PPP1R8: variants seen among roughly 807,000 people sequenced by gnomAD.
The protein encoded by PPP1R8 is nuclear inhibitor of protein phosphatase 1.
PPP1R8 carries 4 observed loss-of-function variants against 31.3 expected under a neutral mutation model. The observed-to-expected ratio is 0.13, with a 90% CI of 0.06 to 0.29. The LOEUF (loss-of-function observed/expected upper bound fraction) is 0.29. PPP1R8 is among the 10% of genes least tolerant of loss of function. The pLI is 1.00. For synonymous variants in PPP1R8, 170 were observed against 169.7 expected, an observed-to-expected ratio of 1.00 and a Z score of -0.01; for missense variants, 254 against 440.1, an observed-to-expected ratio of 0.58 and a Z score of 3.78.
chr1:27,847,121 C>G (rs768254694), intron 6 of PPP1R8, 29 bp downstream of exon 6: 1 of 1,606,500 alleles, frequency 6.2e-7, no homozygotes, highest in South Asian at 1.1e-5. Flanking sequence ...GCCATACAGT[C>G]TGTGTTTTAA....
chr1:27,845,398 A>AAAAG, intron 5 of PPP1R8, among the ~76,000 whole-genome samples: 1 of 151,292 alleles, frequency 6.6e-6, no homozygotes, highest in Non-Finnish European at 1.5e-5. Context: ...TCAAAAAAAA[A>AAAAG]AAAGAAAGAA....
intron 2 of PPP1R8, chr1:27,834,659 G>C (rs1386710735): frequency 2.4e-6 from 1 of 423,746 alleles, no homozygotes; most frequent in Non-Finnish European, 4.7e-6. Flanking sequence ...GACAGAAGCA[G>C]CACATTGTTC....
In PPP1R8 at chr1:27,850,337, C is replaced by T. The variant is rs751382552; in HGVS notation, c.947C>T (p.Ala316Val). ...VVPSAVNMNP[A>V]PNPAVYNPEA... ...CCGTCAGCAGTGAACATGAACCCTG[C>T]ACCAAACCCTGCAGTCTATAACCCT... is the stretch of plus-strand genomic sequence containing the variant. The change falls in exon 7 of 7, where the codon GCA (alanine) becomes GTA (valine). Residue 316 changes from alanine (A) to valine (V), a missense_variant. Transcript: ENST00000311772. 6.2e-7 allele frequency: 1 copy of T among 1,614,232 alleles called. No individual in the cohort carries two copies. Among genetic ancestry groups the T allele is most frequent in the Admixed American group, 1.7e-5 (1 of 60,024 alleles).
chr1:27,830,990 CTCAGAAACCCCGGAA>C, intron 1 of PPP1R8, 99 bp downstream of exon 1: 1 of 1,444,056 alleles, frequency 6.9e-7, no homozygotes, highest in Non-Finnish European at 9.1e-7. Flanking sequence ...AGCCGAACGG[CTCAGAAACCCCGGAA>C]TGGTTGAGGA....
At chr1:27,841,902 C>A (rs2089225763) in intron 4 of PPP1R8, among the ~76,000 whole-genome samples, 1 of 152,158 alleles carries the variant, frequency 6.6e-6, no homozygotes, top group Non-Finnish European at 1.5e-5. Context: ...TGGCTATAGT[C>A]CTTTACATAG....
At chr1:27,839,937 A>G (rs887733662) in intron 3 of PPP1R8, among the ~76,000 whole-genome samples, 8 of 151,984 alleles carry the variant, frequency 5.3e-5, no homozygotes, top group African/African-American at 1.9e-4. Flanking sequence ...GGAGTGCGCT[A>G]TGGTCTCAGC....
chr1:27,846,727 C>T (rs917962432), intron 5 of PPP1R8, among the ~76,000 whole-genome samples: 1 of 152,174 alleles, frequency 6.6e-6, no homozygotes, highest in Non-Finnish European at 1.5e-5. Context: ...GATCACAGGC[C>T]TGTTTTGAAC....
Position 27,832,770 on chromosome 1 carries a change from C to T in PPP1R8, c.71C>T (p.Pro24Leu), listed in dbSNP as rs368835847. The change falls in exon 2 of 7, where the codon CCT becomes CTT. Residue 24 changes from proline to leucine, a missense_variant. By Grantham distance (98) the Pro-to-Leu change is moderately conservative (BLOSUM62 -3). Around this residue, in one of 6 missense-constraint regions of PPP1R8, gnomAD observed 52 missense variants for 145.3 expected, o/e 0.36. Transcript: ENST00000311772. ...TTATTTTTCAGGGCAGGTAAGCCCC[C>T]TCCCGGTTTACATCTGGATGTAGTC... Reference protein sequence around the residue: ...FDCPTWAGKPPPGLHLDVVKG... With the variant: ...FDCPTWAGKPLPGLHLDVVKG... 4 of 1,610,976 alleles carry T rather than the reference C, an allele frequency of 2.5e-6. No homozygotes were observed. Among genetic ancestry groups the T allele is most frequent in the Non-Finnish European group, 3.4e-6 (4 of 1,178,492 alleles).
chr1:27,848,331 G>C (rs1376417964), intron 6 of PPP1R8, among the ~76,000 whole-genome samples: 1 of 151,272 alleles, frequency 6.6e-6, no homozygotes, highest in Admixed American at 6.6e-5. Flanking sequence ...CGTGAACCCG[G>C]GGGGCAGAGC....
At chr1:27,836,829 C>T (rs573256158) in intron 2 of PPP1R8, among the ~76,000 whole-genome samples, 59 of 150,862 alleles carry the variant, frequency 3.9e-4, no homozygotes, top group African/African-American at 1.3e-3. Context: ...GTGAGGAGTT[C>T]GAGACCAGCC....
rs1347485395 is a variant in PPP1R8 at position 27,841,349 on chromosome 1, T to C, written c.492+115T>C. On this transcript the variant is annotated intron_variant, in intron 4 of 6. Coordinates refer to ENST00000311772, the MANE Select transcript of PPP1R8 (RefSeq NM_014110.5). The stretch of plus-strand genomic sequence containing the variant: ...CTTAGCAGCAGGGGGTTCTCTTGAG[T>C]CCAGTAATGGGCCTTTGGCAATCTG... 7.4e-6 allele frequency: 8 copies of C among 1,084,746 alleles called. No individual in the cohort carries two copies. The Admixed American group carries it at 9.6e-5, about 13-fold the overall frequency. 67.2% of individuals were successfully genotyped at this position (1,084,746 alleles called of 1,614,324 possible). A position where few individuals can be genotyped will look rare whatever the true frequency, so the allele number is the denominator to read the frequency against.
chr1:27,846,210 A>G (rs975027073), intron 5 of PPP1R8, among the ~76,000 whole-genome samples: 2 of 152,242 alleles, frequency 1.3e-5, no homozygotes, highest in African/African-American at 2.4e-5. Flanking sequence ...AGTTTTCTCT[A>G]GTAGTGGTAC....
At chr1:27,837,792 G>GT (rs1231851494) in intron 2 of PPP1R8, among the ~76,000 whole-genome samples, 1 of 149,614 alleles carries the variant, frequency 6.7e-6, no homozygotes, top group African/African-American at 2.5e-5. Context: ...AAAAAAAGAA[G>GT]TTGGCCAGCC....
intron 2 of PPP1R8, among the ~76,000 whole-genome samples, chr1:27,835,783 C>T (rs189907804): frequency 1.4e-4 from 22 of 152,266 alleles, no homozygotes; most frequent in African/African-American, 4.6e-4. Flanking sequence ...ATTTCTAACC[C>T]GGCCCACAAG....
At chr1:27,843,691 G>A (rs370093737) in intron 5 of PPP1R8, among the ~76,000 whole-genome samples, 39 of 151,666 alleles carry the variant, frequency 2.6e-4, no homozygotes, top group African/African-American at 9.0e-4. Flanking sequence ...AGTGGCTCAT[G>A]CCTATAATCC....
In PPP1R8 at chr1:27,850,620, A is replaced by G; in HGVS notation, c.*174A>G. 1.6e-6 allele frequency: 1 copy of G among 616,150 alleles called. No individual in the cohort carries two copies. Among genetic ancestry groups the G allele is most frequent in the Non-Finnish European group, 2.8e-6 (1 of 359,112 alleles). The allele number at this position is 616,150 out of a possible 1,614,324, so 38.2% of individuals were successfully genotyped here. A position where few individuals can be genotyped will look rare whatever the true frequency, so the allele number is the denominator to read the frequency against. On this transcript the variant is annotated 3_prime_UTR_variant, in exon 7 of 7. Transcript: ENST00000311772. ...TGGGGGTGGGGTTGAAATAGCCCAT[A>G]AAGACCTGTCTTCACAACACTTGCA...
chr1:27,850,576 A>C lies in PPP1R8; in HGVS notation c.*130A>C, dbSNP rs769070992. 1.2e-6 allele frequency: 1 copy of C among 831,968 alleles called. No homozygotes were observed. Among genetic ancestry groups the C allele is most frequent in the African/African-American group, 1.7e-5 (1 of 58,224 alleles). The allele number at this position is 831,968 out of a possible 1,614,324, so 51.5% of individuals were successfully genotyped here. A position where few individuals can be genotyped will look rare whatever the true frequency, so the allele number is the denominator to read the frequency against. On this transcript the variant is annotated 3_prime_UTR_variant, in exon 7 of 7. Transcript: ENST00000311772. ...CTTTCAGAATGTCTCCTGGCATCCT[A>C]ACCATGTAATATGACAATTGGGGGT...
Position 27,830,873 on chromosome 1 carries a change from T to A in PPP1R8, c.38T>A (p.Leu13Gln). The A allele has an allele frequency of 6.4e-7, 1 of 1,573,514 alleles. No homozygotes were observed. The highest frequency in any genetic ancestry group is 8.6e-7 in the Non-Finnish European group (1 of 1,160,370). ...GCGAACTCCGGCTCTAGCCTCCCGC[T>A]GTTCGACTGCCCAACCTGGTGAGTG... ...AAANSGSSLPLFDCPTWAGKP... is the reference protein window; with the variant it reads ...AAANSGSSLPQFDCPTWAGKP... Residue 13 changes from leucine to glutamine, a missense_variant, in exon 1 of 7, where the codon CTG becomes CAG. This residue lies in a region of PPP1R8 where 38 missense variants were observed against 18.6 expected (regional missense o/e 2.04). Transcript: ENST00000311772.
chr1:27,836,001 GTATCT>G (rs560788512), intron 2 of PPP1R8, among the ~76,000 whole-genome samples: 125 of 152,312 alleles, frequency 8.2e-4, no homozygotes, highest in African/African-American at 2.8e-3. Flanking sequence ...TGCATGAGGT[GTATCT>G]TTTGGTTTTG....
Sources: gnomAD v4.1 joint callset for allele counts (sites outside exome capture counted in the v4.1 genomes callset) on GRCh38, gnomAD v4.1.1 for gene constraint, gnomAD v4.1.1 regional missense constraint, MANE v1.5 for transcripts, NCBI Gene and HGNC (gene_info 2026-07-23, HGNC 2026-07-21) for gene names.